GTPBP10: variants seen among roughly 807,000 people sequenced by gnomAD.
GTPBP10 encodes GTP-binding protein 10.
In GTPBP10, 38 loss-of-function variants were observed where a neutral mutation model predicts 44.8. That is an observed-to-expected ratio of 0.85 (90% CI 0.65 to 1.11). The LOEUF (loss-of-function observed/expected upper bound fraction) is 1.11. Ranked by LOEUF, GTPBP10 falls within the 50% of genes most tolerant of loss-of-function variation. The pLI is 0.00. For synonymous variants in GTPBP10, 152 were observed against 150.6 expected, an observed-to-expected ratio of 1.01 and a Z score of -0.07; for missense variants, 462 against 453.7, an observed-to-expected ratio of 1.02 and a Z score of -0.17.
At chr7:90,380,584 T>C (rs997589469) in intron 8 of GTPBP10, among the ~76,000 whole-genome samples, 1 of 152,206 alleles carries the variant, frequency 6.6e-6, no homozygotes, top group African/African-American at 2.4e-5. Context: ...TGGATATATG[T>C]TTACCTTGTG....
intron 4 of GTPBP10, among the ~76,000 whole-genome samples, chr7:90,362,371 T>C (rs9801173): frequency 0.89 from 135,641 of 151,896 alleles, 60,765 homozygotes; most frequent in East Asian, 1. Flanking sequence ...TCTTTATTTC[T>C]GCCTTCATTT....
At chr7:90,359,315 G>T (rs1030066044) in intron 4 of GTPBP10, among the ~76,000 whole-genome samples, 1 of 151,732 alleles carries the variant, frequency 6.6e-6, no homozygotes, top group African/African-American at 2.4e-5. Flanking sequence ...CCCCTGACAG[G>T]CCCTGGTGTG....
chr7:90,378,094 C>T (rs765378641), intron 7 of GTPBP10, 40 bp from the exon 8 acceptor site: 10 of 1,567,022 alleles, frequency 6.4e-6, no homozygotes, highest in Admixed American at 5.2e-5. Flanking sequence ...AGCTATTCTT[C>T]GTATGTTAAA....
chr7:90,350,502 T>C lies in GTPBP10; in HGVS notation c.34-2314T>C, dbSNP rs372086214. ...ACTGTCTTCCACAGTCAAACCTCCTTCTAAAATTATCAAATCATCCTTTGC... is the reference window on the plus strand; with the variant it reads ...ACTGTCTTCCACAGTCAAACCTCCTCCTAAAATTATCAAATCATCCTTTGC... On this transcript the variant is annotated intron_variant, in intron 1 of 9. Coordinates refer to ENST00000222511, the MANE Select transcript of GTPBP10 (RefSeq NM_033107.4). 4.3e-4 allele frequency among the ~76,000 whole-genome samples: 65 copies of C among 152,316 alleles called. 1 individual carries two copies. The highest frequency in any genetic ancestry group is 1.5e-3 in the African/African-American group (62 of 41,576).
At chr7:90,359,355 T>C (rs1425276271) in intron 4 of GTPBP10, among the ~76,000 whole-genome samples, 8 of 151,894 alleles carry the variant, frequency 5.3e-5, no homozygotes, top group Admixed American at 5.3e-4. Flanking sequence ...CATGTGTTCC[T>C]TGTTCAGCTC....
intron 4 of GTPBP10, among the ~76,000 whole-genome samples, chr7:90,357,977 G>C (rs1795939750): frequency 6.6e-6 from 1 of 152,056 alleles, no homozygotes; most frequent in African/African-American, 2.4e-5. Context: ...ATTCAAATTG[G>C]AAAGAAGGAA....
intron 4 of GTPBP10, among the ~76,000 whole-genome samples, chr7:90,368,737 C>T (rs1796188276): frequency 6.6e-6 from 1 of 152,180 alleles, no homozygotes; most frequent in African/African-American, 2.4e-5. Flanking sequence ...TGGATTAGAA[C>T]ATTCTCCTTA....
rs1796458629 is a variant in GTPBP10, at chr7:90,383,004, G to A, written c.826G>A (p.Ala276Thr). The A allele has an allele frequency of 3.1e-6, 5 of 1,598,924 alleles. No homozygotes were observed. Among genetic ancestry groups the A allele is most frequent in the Non-Finnish European group, 1.7e-6 (2 of 1,170,242 alleles). ...EELQTKPALL[A>T]VNKMDLPDAQ... The stretch of plus-strand genomic sequence containing the variant: ...ACTTCAGACAAAACCTGCACTCTTG[G>A]CAGTTAATAAAATGGACTTGCCAGA... Residue 276 changes from alanine (A) to threonine (T), a missense_variant, in exon 9 of 10, where the codon GCA becomes ACA. Coordinates refer to ENST00000222511, the MANE Select transcript of GTPBP10 (RefSeq NM_033107.4).
chr7:90,359,822 A>T (rs969405188), intron 4 of GTPBP10, among the ~76,000 whole-genome samples: 1 of 152,176 alleles, frequency 6.6e-6, no homozygotes, highest in Non-Finnish European at 1.5e-5. Context: ...CTGACTTTTT[A>T]AGGATCGCCA....
At chr7:90,365,488 G>T (rs981915800) in intron 4 of GTPBP10, among the ~76,000 whole-genome samples, 3 of 142,986 alleles carry the variant, frequency 2.1e-5, no homozygotes, top group Admixed American at 7.4e-5. Context: ...CCATTCTCCT[G>T]CCTCAGCCTC....
In GTPBP10 at chr7:90,391,339, GT is replaced by G. The variant is rs956631293; in HGVS notation, c.*6192del. The G allele has an allele frequency of 6.6e-6, 1 of 151,970 alleles. No individual in the cohort carries two copies. Among genetic ancestry groups the G allele is most frequent in the Non-Finnish European group, 1.5e-5 (1 of 67,998 alleles). 9.4% of individuals were successfully genotyped at this position (151,970 alleles called of 1,614,324 possible). ...TAGTACCAAACCCTATATATATTAT[GT>G]TTTTTTCTATATATACACAGCTATG... On this transcript the variant is annotated 3_prime_UTR_variant, in exon 10 of 10. Transcript: ENST00000222511.
chr7:90,377,636 G>A, intron 7 of GTPBP10, 22 bp downstream of exon 7: 1 of 1,402,996 alleles, frequency 7.1e-7, no homozygotes, highest in Non-Finnish European at 9.8e-7. Context: ...GTATACTAAT[G>A]TGATATTCAA....
intron 4 of GTPBP10, among the ~76,000 whole-genome samples, chr7:90,364,482 C>T (rs67841568): frequency 2.0e-5 from 3 of 152,136 alleles, no homozygotes; most frequent in Admixed American, 6.5e-5. Context: ...GCTGCCTGAT[C>T]GTTCCTCTGG....
intron 6 of GTPBP10, among the ~76,000 whole-genome samples, chr7:90,376,536 A>G (rs112660415): frequency 1.6e-4 from 25 of 152,348 alleles, no homozygotes; most frequent in Non-Finnish European, 3.4e-4. Flanking sequence ...TCTGCTCCTC[A>G]TGTAATGCCA....
chr7:90,361,304 G>A (rs928915651), intron 4 of GTPBP10, among the ~76,000 whole-genome samples: 5 of 152,144 alleles, frequency 3.3e-5, no homozygotes, highest in Admixed American at 6.5e-5. Context: ...TTTGAGATAC[G>A]TTCCATCAAT....
At chr7:90,363,325 G>A (rs1796064978) in intron 4 of GTPBP10, among the ~76,000 whole-genome samples, 1 of 152,128 alleles carries the variant, frequency 6.6e-6, no homozygotes, top group Non-Finnish European at 1.5e-5. Context: ...TGTAGGGCAG[G>A]GCTGGTGTTG....
intron 7 of GTPBP10, 99 bp from the exon 8 acceptor site, chr7:90,378,035 A>G: frequency 5.7e-6 from 8 of 1,391,924 alleles, no homozygotes; most frequent in Non-Finnish European, 7.7e-6. Context: ...GTATAGAGAA[A>G]TTGTTTTTAG....
chr7:90,363,275 G>C (rs1796064219), intron 4 of GTPBP10, among the ~76,000 whole-genome samples: 1 of 152,174 alleles, frequency 6.6e-6, no homozygotes, highest in South Asian at 2.1e-4. Context: ...GCTGGTACCG[G>C]TTGTTCCTTT....
At chr7:90,367,718 T>C (rs1796163428) in intron 4 of GTPBP10, among the ~76,000 whole-genome samples, 1 of 152,216 alleles carries the variant, frequency 6.6e-6, no homozygotes, top group Non-Finnish European at 1.5e-5. Context: ...CACCAATGGG[T>C]CTTGACTCTT....
Sources: allele counts gnomAD v4.1 joint callset (sites outside exome capture counted in the v4.1 genomes callset), GRCh38; gene constraint gnomAD v4.1.1; transcripts MANE v1.5; gene names NCBI Gene and HGNC (gene_info 2026-07-23, HGNC 2026-07-21).